Variants in MALRD1 observed in about 807,000 individuals in gnomAD.
The protein encoded by MALRD1 is MAM and LDL-receptor class A domain-containing protein 1.
Under a neutral mutation model 242.1 loss-of-function variants are expected in MALRD1, and 247 were observed. That is an observed-to-expected ratio of 1.02 (90% CI 0.92 to 1.13). The LOEUF (loss-of-function observed/expected upper bound fraction) is 1.13, where lower values mean the gene tolerates loss of function less well. Among genes scored for constraint, MALRD1 ranks in the 50% most tolerant of loss-of-function variants. The pLI, the probability that MALRD1 is intolerant of heterozygous loss-of-function variation, is 0.00. For missense variants in MALRD1, 2,989 were observed against 2,533.1 expected (o/e 1.18, Z -3.86); for synonymous variants, 995 against 866.6 (o/e 1.15, Z -2.60).
chr10:19,161,572 AT>A (rs1834419466), intron 12 of MALRD1, among the ~76,000 whole-genome samples: 1 of 147,824 alleles, frequency 6.8e-6, no homozygotes, highest in African/African-American at 2.5e-5. Context: ...AAAAAAGAAA[AT>A]TTCCTTTAAA....
chr10:19,073,135 G>C lies in MALRD1; in HGVS notation c.340+6276G>C, dbSNP rs554736736. 2.0e-5 allele frequency among the ~76,000 whole-genome samples: 3 copies of C among 152,044 alleles called. No individual in the cohort carries two copies. In the East Asian group the frequency reaches 5.8e-4, roughly 29 times the overall value. On this transcript the variant is annotated intron_variant, in intron 2 of 39. Transcript: ENST00000454679. ...TCACCATGTTGGCCAGACTGGTCTT[G>C]AACTCCTGACCTCAAGTGATCTGCC...
chr10:19,547,773 A>C (rs1835271997), intron 32 of MALRD1, among the ~76,000 whole-genome samples: 1 of 92,554 alleles, frequency 1.1e-5, no homozygotes, highest in Admixed American at 1.6e-4. Flanking sequence ...ATTTTACTGA[A>C]CTTCACAGAT....
intron 29 of MALRD1, among the ~76,000 whole-genome samples, chr10:19,454,960 C>A (rs1323001809): frequency 7.9e-5 from 12 of 151,932 alleles, no homozygotes; most frequent in Non-Finnish European, 1.6e-4. Context: ...ATGGTGCTAT[C>A]TTCAACTTAC....
chr10:19,608,871 C>G (rs191192469), intron 35 of MALRD1, among the ~76,000 whole-genome samples: 2 of 152,154 alleles, frequency 1.3e-5, no homozygotes, highest in East Asian at 1.9e-4. Context: ...GATGGATACT[C>G]TGTCACTTTC....
At chr10:19,366,671 G>C (rs1029352519) in intron 26 of MALRD1, among the ~76,000 whole-genome samples, 1 of 152,142 alleles carries the variant, frequency 6.6e-6, no homozygotes, top group Middle Eastern at 3.4e-3. Flanking sequence ...ATGCATTCTG[G>C]TGATGAACAT....
intron 29 of MALRD1, among the ~76,000 whole-genome samples, chr10:19,454,426 A>ATATATATT (rs1835518071): frequency 2.1e-5 from 3 of 140,706 alleles, no homozygotes; most frequent in Non-Finnish European, 1.5e-5. Context: ...ATATATATAT[A>ATATATATT]TATATAATTA....
intron 24 of MALRD1, among the ~76,000 whole-genome samples, chr10:19,346,911 A>G (rs907327760): frequency 6.6e-6 from 1 of 152,158 alleles, no homozygotes; most frequent in Admixed American, 6.6e-5. Context: ...CAGCCTCTCA[A>G]CATGCTAGGA....
intron 21 of MALRD1, among the ~76,000 whole-genome samples, chr10:19,315,157 A>C (rs1842603682): frequency 7.5e-6 from 1 of 133,954 alleles, no homozygotes. Context: ...ATTTATAGAA[A>C]TATGTAAATA....
intron 29 of MALRD1, among the ~76,000 whole-genome samples, chr10:19,458,139 T>G (rs1337830418): frequency 1.3e-5 from 2 of 152,144 alleles, no homozygotes; most frequent in African/African-American, 4.8e-5. Flanking sequence ...TTAAATATAC[T>G]CTTTATAGAA....
intron 19 of MALRD1, among the ~76,000 whole-genome samples, chr10:19,273,874 A>G (rs1840374352): frequency 6.6e-6 from 1 of 152,176 alleles, no homozygotes; most frequent in South Asian, 2.1e-4. Context: ...CAACAAGCAT[A>G]GGAAAACATG....
At chr10:19,380,257 G>A (rs1479168000) in intron 26 of MALRD1, among the ~76,000 whole-genome samples, 1 of 146,796 alleles carries the variant, frequency 6.8e-6, no homozygotes, top group African/African-American at 2.5e-5. Flanking sequence ...TTACAGGTGT[G>A]AGCCACTGCG....
intron 12 of MALRD1, among the ~76,000 whole-genome samples, chr10:19,160,782 T>A (rs1184773831): frequency 2.9e-5 from 3 of 104,230 alleles, no homozygotes; most frequent in African/African-American, 7.6e-5. Context: ...GATGGTAGTT[T>A]GTATTTCTGT....
At chr10:19,334,990 T>A (rs566818608) in intron 24 of MALRD1, among the ~76,000 whole-genome samples, 1 of 152,240 alleles carries the variant, frequency 6.6e-6, no homozygotes, top group African/African-American at 2.4e-5. Flanking sequence ...AAGTTGTGCG[T>A]ATTTCTAGGA....
chr10:19,644,700 A>C (rs1369896742), intron 36 of MALRD1, among the ~76,000 whole-genome samples: 1 of 152,224 alleles, frequency 6.6e-6, no homozygotes, highest in Non-Finnish European at 1.5e-5. Flanking sequence ...ATTATGAGTC[A>C]GGCACCATTG....
chr10:19,529,239 G>A (rs1466016432), intron 31 of MALRD1, among the ~76,000 whole-genome samples: 1 of 152,032 alleles, frequency 6.6e-6, no homozygotes, highest in Non-Finnish European at 1.5e-5. Context: ...ACCAACCTAG[G>A]GGAATAGAAA....
intron 28 of MALRD1, among the ~76,000 whole-genome samples, chr10:19,428,210 A>G (rs912738581): frequency 1.3e-5 from 2 of 151,832 alleles, no homozygotes; most frequent in East Asian, 3.9e-4. Context: ...CAAGCGTTTC[A>G]CCGAGATTTC....
intron 19 of MALRD1, among the ~76,000 whole-genome samples, chr10:19,275,423 C>T (rs1231840939): frequency 6.6e-6 from 1 of 152,152 alleles, no homozygotes; most frequent in Non-Finnish European, 1.5e-5. Context: ...AATCCCAGCA[C>T]TTTGGGAGGC....
At chr10:19,096,162 G>T (rs569351664) in intron 4 of MALRD1, among the ~76,000 whole-genome samples, 1 of 152,084 alleles carries the variant, frequency 6.6e-6, no homozygotes, top group African/African-American at 2.4e-5. Context: ...TATCTTGTAG[G>T]TCAAACCTTT....
At chr10:19,603,176 G>A (rs553168453) in intron 34 of MALRD1, among the ~76,000 whole-genome samples, 2 of 152,092 alleles carry the variant, frequency 1.3e-5, no homozygotes. Context: ...TTCTTTTGCT[G>A]TGCAGAAGCT....
Sources: gnomAD v4.1 joint callset for allele counts (sites outside exome capture counted in the v4.1 genomes callset) on GRCh38, gnomAD v4.1.1 for gene constraint, MANE v1.5 for transcripts, NCBI Gene and HGNC (gene_info 2026-07-23, HGNC 2026-07-21) for gene names.